Variants in KAZN observed in about 807,000 individuals in gnomAD.
KAZN encodes kazrin.
In KAZN, 40 loss-of-function variants were observed where a neutral mutation model predicts 87.4. That is an observed-to-expected ratio of 0.46 (90% CI 0.36 to 0.60). KAZN has a LOEUF of 0.60. KAZN is among the 20% of genes least tolerant of loss of function. The pLI is 0.00. For missense variants in KAZN, 898 were observed against 1,073.9 expected (o/e 0.84, Z 2.29); for synonymous variants, 466 against 458.3 (o/e 1.02, Z -0.22).
chr1:14,550,070 G>C (rs1028117547), intron 2 of KAZN, among the ~76,000 whole-genome samples: 16 of 152,200 alleles, frequency 1.1e-4, no homozygotes, highest in Admixed American at 1.3e-4. Context: ...AACATTCCCA[G>C]GTACGCACAC....
intron 8 of KAZN, among the ~76,000 whole-genome samples, chr1:15,088,746 G>A (rs188367874): frequency 1.3e-5 from 2 of 152,026 alleles, no homozygotes; most frequent in Non-Finnish European, 2.9e-5. Flanking sequence ...CTGTCACGTC[G>A]TCTCGTTGGT....
intron 2 of KAZN, among the ~76,000 whole-genome samples, chr1:14,374,909 G>A (rs190978268): frequency 2.0e-5 from 3 of 152,232 alleles, no homozygotes; most frequent in South Asian, 2.1e-4. Flanking sequence ...AACCAAGAGC[G>A]ATCACACAAG....
intron 2 of KAZN, among the ~76,000 whole-genome samples, chr1:14,564,697 C>T (rs1400317439): frequency 2.0e-5 from 3 of 151,910 alleles, no homozygotes; most frequent in Middle Eastern, 6.9e-3. Flanking sequence ...CCTGTAATCC[C>T]AGCTACTCAG....
At chr1:14,758,900 T>C (rs1644653346) in intron 1 of KAZN, among the ~76,000 whole-genome samples, 1 of 117,170 alleles carries the variant, frequency 8.5e-6, no homozygotes, top group Non-Finnish European at 1.8e-5. Flanking sequence ...CTGGGTCATT[T>C]GAATCCAGAA....
chr1:14,135,562 T>A (rs573106237), intron 1 of KAZN, among the ~76,000 whole-genome samples: 3 of 152,332 alleles, frequency 2.0e-5, no homozygotes, highest in East Asian at 3.9e-4. Flanking sequence ...TTAACAAGTA[T>A]CTCGAACGGC....
intron 2 of KAZN, among the ~76,000 whole-genome samples, chr1:14,351,695 T>C (rs1198889176): frequency 6.6e-6 from 1 of 152,174 alleles, no homozygotes; most frequent in Non-Finnish European, 1.5e-5. Flanking sequence ...GAACAGCCCT[T>C]TGAAGACCTT....
At chr1:13,960,778 C>T (rs1400634444) in intron 1 of KAZN, among the ~76,000 whole-genome samples, 1 of 152,162 alleles carries the variant, frequency 6.6e-6, no homozygotes, top group African/African-American at 2.4e-5. Context: ...TACTGGGAGT[C>T]TGTGCTCCTG....
intron 2 of KAZN, among the ~76,000 whole-genome samples, chr1:14,390,955 A>G (rs1174063952): frequency 6.6e-6 from 1 of 152,224 alleles, no homozygotes; most frequent in Non-Finnish European, 1.5e-5. Flanking sequence ...GCAGTTGGCA[A>G]AGGGCCAGGC....
intron 1 of KAZN, among the ~76,000 whole-genome samples, chr1:14,853,305 G>A (rs1649681772): frequency 6.6e-6 from 1 of 152,160 alleles, no homozygotes; most frequent in South Asian, 2.1e-4. Flanking sequence ...TGGACAGGAA[G>A]GGCATCCAAT....
intron 1 of KAZN, among the ~76,000 whole-genome samples, chr1:14,932,662 T>G (rs1659981473): frequency 6.6e-6 from 1 of 152,094 alleles, no homozygotes; most frequent in South Asian, 2.1e-4. Context: ...GATGTGTGTT[T>G]TTCCACCGAC....
At chr1:14,653,909 T>C (rs752078882) in intron 1 of KAZN, among the ~76,000 whole-genome samples, 6 of 152,200 alleles carry the variant, frequency 3.9e-5, no homozygotes, top group Non-Finnish European at 7.3e-5. Context: ...CTGCACACTG[T>C]AGCATGTTTA....
chr1:14,210,456 C>A (rs1646831429), intron 2 of KAZN, among the ~76,000 whole-genome samples: 1 of 152,130 alleles, frequency 6.6e-6, no homozygotes, highest in Non-Finnish European at 1.5e-5. Flanking sequence ...ACATAGTCAT[C>A]CTGCAGTTGG....
intron 2 of KAZN, among the ~76,000 whole-genome samples, chr1:14,498,189 C>T (rs763145534): frequency 9.2e-5 from 14 of 152,194 alleles, no homozygotes; most frequent in Non-Finnish European, 1.5e-4. Flanking sequence ...ATCCATGGCT[C>T]GTCAGTGTTC....
intron 1 of KAZN, among the ~76,000 whole-genome samples, chr1:14,853,572 G>C (rs541918322): frequency 6.6e-6 from 1 of 152,292 alleles, no homozygotes; most frequent in South Asian, 2.1e-4. Context: ...CTCCCACACT[G>C]TCCTGCCTCT....
intron 2 of KAZN, among the ~76,000 whole-genome samples, chr1:14,538,931 T>G (rs1357257204): frequency 6.6e-6 from 1 of 152,156 alleles, no homozygotes; most frequent in Non-Finnish European, 1.5e-5. Context: ...GGCCAGGAAT[T>G]TACCCTTTAG....
chr1:14,094,617 G>T (rs780591842), intron 1 of KAZN, among the ~76,000 whole-genome samples: 99 of 152,106 alleles, frequency 6.5e-4, no homozygotes, highest in Non-Finnish European at 9.0e-4. Context: ...AATTTTAGAA[G>T]TAATATGACA....
chr1:14,500,860 A>C (rs189278980), intron 2 of KAZN, among the ~76,000 whole-genome samples: 1 of 152,234 alleles, frequency 6.6e-6, no homozygotes, highest in Non-Finnish European at 1.5e-5. Context: ...AAATGGGAAA[A>C]TTCCTGGAAG....
At chr1:14,428,003 C>T (rs1409620824) in intron 2 of KAZN, among the ~76,000 whole-genome samples, 5 of 152,128 alleles carry the variant, frequency 3.3e-5, no homozygotes, top group Admixed American at 6.5e-5. Context: ...GGCCAGGTTG[C>T]TTGAGCTGGA....
intron 1 of KAZN, among the ~76,000 whole-genome samples, chr1:13,923,332 G>C (rs1222068599): frequency 6.6e-6 from 1 of 152,072 alleles, no homozygotes; most frequent in Non-Finnish European, 1.5e-5. Flanking sequence ...CCAGCACTTT[G>C]GGAGGCTGAG....
Sources: gnomAD v4.1 joint callset for allele counts (sites outside exome capture counted in the v4.1 genomes callset) on GRCh38, gnomAD v4.1.1 for gene constraint, MANE v1.5 for transcripts, NCBI Gene and HGNC (gene_info 2026-07-23, HGNC 2026-07-21) for gene names.